TRIM66: variants seen among roughly 807,000 people sequenced by gnomAD.
The protein encoded by TRIM66 is tripartite motif containing 66.
TRIM66 carries 99 observed loss-of-function variants against 148.2 expected under a neutral mutation model. The ratio of observed to expected loss-of-function variants is 0.67; its 90% CI spans 0.57 to 0.79. The LOEUF (loss-of-function observed/expected upper bound fraction) is 0.79. Among genes scored for constraint, TRIM66 ranks in the 30% least tolerant of loss-of-function variants. The pLI, the probability that TRIM66 is intolerant of heterozygous loss-of-function variation, is 0.00. For missense variants in TRIM66, 1,666 were observed against 1,697.9 expected (o/e 0.98, Z 0.33); for synonymous variants, 616 against 635.9 (o/e 0.97, Z 0.47).
In TRIM66 at chr11:8,616,304, G is replaced by A. The variant is rs1170365551; in HGVS notation, c.*1640C>T. On this transcript the variant is annotated 3_prime_UTR_variant, in exon 25 of 25. Coordinates refer to ENST00000646038, the MANE Select transcript of TRIM66 (RefSeq NM_001388022.1). ...GCAATACCATCAACTCACAAAGAGA[G>A]AAGAAATGTTTTCTAATTAAAAAAC... The A allele has an allele frequency of 6.6e-6, 1 of 152,216 alleles. No individual in the cohort carries two copies. Among genetic ancestry groups the A allele is most frequent in the Non-Finnish European group, 1.5e-5 (1 of 68,044 alleles). The allele number at this position is 152,216 out of a possible 1,614,324, so 9.4% of individuals were successfully genotyped here.
chr11:8,621,604 G>A (rs75862334), intron 19 of TRIM66, 41 bp downstream of exon 19: 1 of 1,476,540 alleles, frequency 6.8e-7, no homozygotes, highest in Non-Finnish European at 9.0e-7. Context: ...AAGCTCTTAG[G>A]CTGGGCCAGG....
rs1475479414 is a variant in TRIM66 at position 8,618,044 on chromosome 11, G to T, written c.4120-41C>A. On this transcript the variant is annotated intron_variant, in intron 24 of 24. Coordinates refer to ENST00000646038, the MANE Select transcript of TRIM66 (RefSeq NM_001388022.1). The stretch of plus-strand genomic sequence containing the variant: ...ATATTTGGAATTAAAATAGCCAAAT[G>T]TAGGATTTATTAACATGAAAAGGCT... 7 of 1,521,760 alleles carry T rather than the reference G, an allele frequency of 4.6e-6. No individual in the cohort carries two copies. In the Middle Eastern group the frequency reaches 5.1e-4, roughly 111 times the overall value. 94.3% of individuals were successfully genotyped at this position (1,521,760 alleles called of 1,614,324 possible). A position where few individuals can be genotyped will look rare whatever the true frequency, so the allele number is the denominator to read the frequency against.
intron 19 of TRIM66, 24 bp downstream of exon 19, chr11:8,621,621 G>C (rs2034223440): frequency 2.7e-6 from 4 of 1,503,832 alleles, no homozygotes; most frequent in Non-Finnish European, 3.6e-6. Context: ...CAGGGTTTAA[G>C]GCCAAGGCAA....
chr11:8,679,430 G>C (rs1565584349), intron 3 of TRIM66, 190 bp downstream of exon 3: 1 of 152,546 alleles, frequency 6.6e-6, no homozygotes, highest in East Asian at 1.9e-4. Flanking sequence ...GAGGCCTTCT[G>C]TTCAGCCGCG....
chr11:8,640,499 G>A lies in TRIM66; in HGVS notation c.1876C>T (p.Pro626Ser). ...LPPPPQQPHPPLPPSQHLASS... is the reference protein window; with the variant it reads ...LPPPPQQPHPSLPPSQHLASS... ...GCCAGATGCTGGGATGGAGGAAGAG[G>A]TGGGTGTGGCTGCTGTGGGGGAGGG... is the stretch of plus-strand genomic sequence containing the variant. Residue 626 changes from proline (P) to serine (S), a missense_variant, in exon 14 of 25, where the codon CCT becomes TCT. Physicochemically the swap from Pro to Ser is moderately conservative, Grantham distance 74. Coordinates refer to ENST00000646038, the MANE Select transcript of TRIM66 (RefSeq NM_001388022.1). The A allele has an allele frequency of 1.9e-6, 3 of 1,548,028 alleles. No homozygotes were observed. The highest frequency in any genetic ancestry group is 2.4e-5 in the South Asian group (2 of 83,870).
chr11:8,648,644 C>T (rs2037076978), intron 8 of TRIM66, 96 bp from the exon 9 acceptor site: 3 of 1,410,508 alleles, frequency 2.1e-6, no homozygotes, highest in Admixed American at 2.2e-5. Context: ...TCAGAGGACA[C>T]TGCAGAAATA....
intron 12 of TRIM66, 37 bp from the exon 13 acceptor site, chr11:8,643,163 T>C: frequency 6.5e-7 from 1 of 1,527,928 alleles, no homozygotes; most frequent in Non-Finnish European, 8.9e-7. Flanking sequence ...TTTGGGCATC[T>C]TGCACCTAAA....
chr11:8,641,709 T>C (rs754721135), intron 13 of TRIM66, among the ~76,000 whole-genome samples: 21 of 152,172 alleles, frequency 1.4e-4, no homozygotes, highest in Middle Eastern at 3.4e-3. Flanking sequence ...ATCCCCAGTG[T>C]TGGAGGTGGG....
intron 15 of TRIM66, among the ~76,000 whole-genome samples, chr11:8,627,244 G>T (rs2034939771): frequency 6.6e-6 from 1 of 151,904 alleles, no homozygotes; most frequent in Admixed American, 6.5e-5. Context: ...ATGAATTAAT[G>T]AGCTGTTTAA....
intron 12 of TRIM66, chr11:8,644,459 A>G (rs1387969624): frequency 1.5e-5 from 7 of 453,500 alleles, no homozygotes; most frequent in Non-Finnish European, 2.7e-5. Flanking sequence ...AAGACACCAT[A>G]AAGGATAAAT....
At chr11:8,651,724 G>A (rs1220232949) in intron 7 of TRIM66, 76 bp downstream of exon 7, 11 of 1,114,190 alleles carry the variant, frequency 9.9e-6, no homozygotes, top group Non-Finnish European at 1.5e-5. Flanking sequence ...AGTGATGGAT[G>A]GATAGAAGAC....
At chr11:8,683,168 C>T (rs1480703448), upstream of TRIM66, 4 of 1,608,142 alleles carry the variant, frequency 2.5e-6, no homozygotes, top group Admixed American at 1.7e-5. Flanking sequence ...GCCCCTAATT[C>T]CTTAGGCCTT....
chr11:8,649,224 A>T (rs904151570), intron 8 of TRIM66, among the ~76,000 whole-genome samples: 1 of 152,204 alleles, frequency 6.6e-6, no homozygotes, highest in Non-Finnish European at 1.5e-5. Flanking sequence ...CTGTAATCCC[A>T]GCTACTTGGG....
At position 8,621,810 on chromosome 11, in the gene TRIM66, A is replaced by G. The variant is rs191300052; in HGVS notation, c.3090T>C (p.Asn1030=). The change falls in exon 19 of 25, where the codon AAT becomes AAC. Residue 1030 remains asparagine, a synonymous_variant. Transcript: ENST00000646038. ...GCACATAGGGAATCTTATGCTCACT[A>G]TTGAAGGCTCTGCAGCAAGACAGAC... The part of the protein sequence containing the change: ...AKENQSIRAF[N]SEHKIPYVRL... 1.1e-4 allele frequency: 165 copies of G among 1,544,482 alleles called. No homozygotes were observed. The African/African-American group carries it at 2.2e-3, about 20-fold the overall frequency.
intron 15 of TRIM66, among the ~76,000 whole-genome samples, chr11:8,635,196 C>T (rs2035768246): frequency 1.3e-5 from 2 of 152,166 alleles, no homozygotes; most frequent in South Asian, 4.1e-4. Context: ...CCTAACATTG[C>T]CCAATGGGTT....
Position 8,641,016 on chromosome 11 carries a change from G to T in TRIM66, c.1359C>A (p.His453Gln), listed in dbSNP as rs1592100704. 1 of 1,551,638 alleles carries T rather than the reference G, an allele frequency of 6.4e-7. No homozygotes were observed. Among genetic ancestry groups the T allele is most frequent in the African/African-American group, 1.4e-5 (1 of 73,168 alleles). The change falls in exon 14 of 25, where the codon CAC becomes CAA. Residue 453 changes from histidine to glutamine, a missense_variant. His to Gln is a conservative substitution (Grantham distance 24). This residue lies in a region of TRIM66 where 1,431 missense variants were observed against 1,412.4 expected (regional missense o/e 1.01). Transcript: ENST00000646038. Reference protein sequence around the residue: ...AQQEALSHPSHKFQSPAVCSS... With the variant: ...AQQEALSHPSQKFQSPAVCSS... Reference sequence around the variant, plus strand: ...AGCACACTGCTGGAGACTGGAACTTGTGTGAGGGGTGGCTAAGAGCCTCTT... The same window carrying T: ...AGCACACTGCTGGAGACTGGAACTTTTGTGAGGGGTGGCTAAGAGCCTCTT...
At chr11:8,659,987 C>T (rs1034137838) in intron 6 of TRIM66, among the ~76,000 whole-genome samples, 2 of 152,162 alleles carry the variant, frequency 1.3e-5, no homozygotes, top group South Asian at 4.1e-4. Flanking sequence ...AAGTGATCCT[C>T]CTGCCTCGGC....
At chr11:8,677,854 T>C (rs963543499) in intron 3 of TRIM66, among the ~76,000 whole-genome samples, 12 of 152,234 alleles carry the variant, frequency 7.9e-5, no homozygotes, top group Non-Finnish European at 1.8e-4. Flanking sequence ...AATTGCCATG[T>C]AGAACACTCT....
At chr11:8,658,960 C>T (rs1325029230) in intron 6 of TRIM66, 1 of 246,220 alleles carries the variant, frequency 4.1e-6, no homozygotes, top group Non-Finnish European at 6.5e-6. Context: ...ATGGAGAAGA[C>T]ACACATTTAC....
Sources: gnomAD v4.1 joint callset for allele counts (sites outside exome capture counted in the v4.1 genomes callset) on GRCh38, gnomAD v4.1.1 for gene constraint, gnomAD v4.1.1 regional missense constraint, MANE v1.5 for transcripts, NCBI Gene and HGNC (gene_info 2026-07-23, HGNC 2026-07-21) for gene names.